Variants in ADGRL2 observed in about 807,000 individuals in gnomAD.
The protein encoded by ADGRL2 is calcium-independent alpha-latrotoxin receptor 2.
Under a neutral mutation model 157.4 loss-of-function variants are expected in ADGRL2, and 44 were observed. That is an observed-to-expected ratio of 0.28 (90% CI 0.22 to 0.36). The LOEUF (loss-of-function observed/expected upper bound fraction) is 0.36, where lower values mean the gene tolerates loss of function less well. Ranked by LOEUF, ADGRL2 falls within the 10% of genes least tolerant of loss-of-function variation. The probability of loss-of-function intolerance (pLI) is 1.00; values close to 1 mark genes in which losing one functional copy is unlikely to be tolerated. For synonymous variants in ADGRL2, 585 were observed against 624.7 expected, an observed-to-expected ratio of 0.94 and a Z score of 0.95; for missense variants, 1,510 against 1,768.9, an observed-to-expected ratio of 0.85 and a Z score of 2.63.
At chr1:81,745,605 T>C (rs749046332) in intron 1 of ADGRL2, among the ~76,000 whole-genome samples, 16 of 152,210 alleles carry the variant, frequency 1.1e-4, no homozygotes, top group Non-Finnish European at 2.1e-4. Flanking sequence ...TCTCATTTCA[T>C]TCACAGTAAC....
intron 2 of ADGRL2, among the ~76,000 whole-genome samples, chr1:81,535,882 A>C (rs1267257805): frequency 6.6e-6 from 1 of 152,218 alleles, no homozygotes; most frequent in African/African-American, 2.4e-5. Flanking sequence ...CAGGAAAAAA[A>C]CCTAACATTT....
chr1:81,545,543 G>A (rs1434632227), intron 2 of ADGRL2, among the ~76,000 whole-genome samples: 1 of 152,084 alleles, frequency 6.6e-6, no homozygotes, highest in Non-Finnish European at 1.5e-5. Context: ...GCCTCCCAAA[G>A]TGCTGGGGTT....
rs1003586701 is a variant in ADGRL2 at position 81,837,103 on chromosome 1, A to T, written c.73+46A>T. 5 of 1,096,402 alleles carry T rather than the reference A, an allele frequency of 4.6e-6. No homozygotes were observed. The African/African-American group carries it at 8.0e-5, about 18-fold the overall frequency. The allele number at this position is 1,096,402 out of a possible 1,614,324, so 67.9% of individuals were successfully genotyped here. On this transcript the variant is annotated intron_variant, in intron 2 of 23. Coordinates refer to ENST00000686636, the MANE Select transcript of ADGRL2 (RefSeq NM_001366006.2). ...TGTTTTTTAAATCCAGGAGAACTTG[A>T]ACTATACAATCTTCTTAATATGGAA...
At chr1:81,592,514 G>A (rs542344926) in intron 3 of ADGRL2, among the ~76,000 whole-genome samples, 22 of 152,230 alleles carry the variant, frequency 1.4e-4, no homozygotes, top group East Asian at 1.2e-3. Flanking sequence ...TCCACCTCCC[G>A]AATCTCAGCT....
chr1:81,731,190 T>C (rs1240394936), intron 1 of ADGRL2, among the ~76,000 whole-genome samples: 1 of 152,212 alleles, frequency 6.6e-6, no homozygotes, highest in Non-Finnish European at 1.5e-5. Context: ...AACCAGTGTA[T>C]TATGTTTAAT....
chr1:81,548,366 A>T (rs1347305788), intron 2 of ADGRL2, among the ~76,000 whole-genome samples: 1 of 151,960 alleles, frequency 6.6e-6, no homozygotes, highest in Non-Finnish European at 1.5e-5. Flanking sequence ...TAGAAATTAC[A>T]TCAAACTCTT....
intron 3 of ADGRL2, among the ~76,000 whole-genome samples, chr1:81,684,985 T>C (rs1038963046): frequency 6.6e-6 from 1 of 152,198 alleles, no homozygotes; most frequent in African/African-American, 2.4e-5. Context: ...TTTTGTTCCA[T>C]TGGTCTATGT....
intron 3 of ADGRL2, among the ~76,000 whole-genome samples, chr1:81,935,730 A>C (rs188781117): frequency 6.6e-6 from 1 of 152,074 alleles, no homozygotes; most frequent in Admixed American, 6.6e-5. Context: ...AAAACCCTGA[A>C]AACATTCCAT....
At chr1:81,653,275 T>C (rs943402518) in intron 3 of ADGRL2, among the ~76,000 whole-genome samples, 29 of 151,940 alleles carry the variant, frequency 1.9e-4, no homozygotes, top group Admixed American at 1.8e-3. Context: ...CATAGAATGA[T>C]GTACCATAAT....
chr1:81,537,702 C>G (rs543609378), intron 2 of ADGRL2, among the ~76,000 whole-genome samples: 2 of 149,418 alleles, frequency 1.3e-5, no homozygotes, highest in East Asian at 2.0e-4. Context: ...CTTTCTTTTT[C>G]TCTCTTTTTT....
intron 3 of ADGRL2, among the ~76,000 whole-genome samples, chr1:81,671,582 A>G (rs1253739648): frequency 6.6e-6 from 1 of 151,628 alleles, no homozygotes; most frequent in Non-Finnish European, 1.5e-5. Flanking sequence ...GTGCAATCTC[A>G]GCTCACAGCA....
At chr1:81,532,287 G>A (rs145823790) in intron 2 of ADGRL2, among the ~76,000 whole-genome samples, 109 of 152,112 alleles carry the variant, frequency 7.2e-4, no homozygotes, top group African/African-American at 2.5e-3. Context: ...AACCCTCAGA[G>A]CCCCAATAAA....
At chr1:81,359,388 G>T (rs905447531) in intron 1 of ADGRL2, among the ~76,000 whole-genome samples, 1 of 151,888 alleles carries the variant, frequency 6.6e-6, no homozygotes, top group African/African-American at 2.4e-5. Flanking sequence ...TTCATCTTTG[G>T]GTACCTATCG....
At chr1:81,651,595 A>G (rs890103568) in intron 3 of ADGRL2, among the ~76,000 whole-genome samples, 28 of 152,240 alleles carry the variant, frequency 1.8e-4, no homozygotes, top group African/African-American at 6.5e-4. Flanking sequence ...CAGTAATTGT[A>G]GGGTTTCACC....
At position 81,808,475 on chromosome 1, in the gene ADGRL2, T is replaced by C. The variant is rs2089446302; in HGVS notation, c.-101+7407T>C. ...TTTTTCTTTCTGCTTTTCATTTTTG[T>C]TTTGTTTTTATGAAAGCTATTGCAT... is the stretch of plus-strand genomic sequence containing the variant. On this transcript the variant is annotated intron_variant, in intron 1 of 23. Transcript: ENST00000686636. 4.9e-5 allele frequency among the ~76,000 whole-genome samples: 4 copies of C among 81,936 alleles called. No individual in the cohort carries two copies. The South Asian group carries it at 1.8e-3, about 38-fold the overall frequency. 53.8% of individuals were successfully genotyped at this position (81,936 alleles called of 152,430 possible).
intron 1 of ADGRL2, among the ~76,000 whole-genome samples, chr1:81,428,876 G>A (rs1010401329): frequency 1.3e-5 from 2 of 152,150 alleles, no homozygotes. Context: ...GAGAGGGACA[G>A]TGGGAGAAGG....
chr1:81,814,645 G>C (rs2149724402), intron 1 of ADGRL2, among the ~76,000 whole-genome samples: 1 of 151,094 alleles, frequency 6.6e-6, no homozygotes, highest in East Asian at 1.9e-4. Context: ...TTTTATTTTA[G>C]GAACAAAAAT....
intron 1 of ADGRL2, among the ~76,000 whole-genome samples, chr1:81,362,350 A>G (rs1393999976): frequency 6.6e-6 from 1 of 151,628 alleles, no homozygotes; most frequent in Non-Finnish European, 1.5e-5. Flanking sequence ...AACTCTTTTC[A>G]TTATGTTCAA....
At chr1:81,322,393 G>A (rs1448224971) in intron 1 of ADGRL2, among the ~76,000 whole-genome samples, 1 of 151,866 alleles carries the variant, frequency 6.6e-6, no homozygotes, top group African/African-American at 2.4e-5. Flanking sequence ...AAGGTAACAG[G>A]ACGTGATAAG....
Sources: gnomAD v4.1 joint callset for allele counts (sites outside exome capture counted in the v4.1 genomes callset) on GRCh38, gnomAD v4.1.1 for gene constraint, MANE v1.5 for transcripts, NCBI Gene and HGNC (gene_info 2026-07-23, HGNC 2026-07-21) for gene names.